The following KDM4C variants were observed in gnomAD, a reference collection of about 807,000 sequenced individuals.
The protein encoded by KDM4C is lysine demethylase 4C, also known as lysine-specific demethylase 4C.
Under a neutral mutation model 129.3 loss-of-function variants are expected in KDM4C, and 81 were observed. The ratio of observed to expected loss-of-function variants is 0.63; its 90% confidence interval spans 0.52 to 0.75. The LOEUF is 0.75. Ranked by LOEUF, KDM4C falls within the 30% of genes least tolerant of loss-of-function variation. The probability of loss-of-function intolerance (pLI) is 0.00; values close to 1 mark genes in which losing one functional copy is unlikely to be tolerated. For missense variants in KDM4C, 1,457 were observed against 1,304.0 expected, an observed-to-expected ratio of 1.12 and a Z score of -1.81; for synonymous variants, 573 against 456.1, an observed-to-expected ratio of 1.26 and a Z score of -3.26.
chr9:7,001,068 G>T (rs769853307), intron 12 of KDM4C, among the ~76,000 whole-genome samples: 1 of 152,160 alleles, frequency 6.6e-6, no homozygotes, highest in Non-Finnish European at 1.5e-5. Context: ...TTAGAAGGTG[G>T]CTCTCTTTAT....
chr9:6,724,819 G>A (rs1196380274), intron 1 of KDM4C, among the ~76,000 whole-genome samples: 1 of 152,146 alleles, frequency 6.6e-6, no homozygotes, highest in Non-Finnish European at 1.5e-5. Context: ...GTGAGCCACA[G>A]TGTCCGGCCT....
intron 2 of KDM4C, among the ~76,000 whole-genome samples, chr9:6,804,530 C>T (rs147045949): frequency 5.9e-5 from 9 of 151,954 alleles, no homozygotes; most frequent in South Asian, 2.1e-4. Context: ...GAGGCCGAGA[C>T]GGGTGGATCA....
At chr9:6,908,679 T>TG (rs1048153494) in intron 8 of KDM4C, among the ~76,000 whole-genome samples, 1 of 147,966 alleles carries the variant, frequency 6.8e-6, no homozygotes, top group Non-Finnish European at 1.5e-5. Context: ...GTTTCTGAGG[T>TG]GGGGGGTGGG....
At chr9:6,830,207 A>G (rs1478241756) in intron 4 of KDM4C, among the ~76,000 whole-genome samples, 2 of 152,254 alleles carry the variant, frequency 1.3e-5, no homozygotes, top group Non-Finnish European at 2.9e-5. Context: ...TTTGTAACAC[A>G]GTGGTATGTG....
At chr9:6,746,618 GC>G (rs1817884102) in intron 1 of KDM4C, among the ~76,000 whole-genome samples, 1 of 151,470 alleles carries the variant, frequency 6.6e-6, no homozygotes, top group South Asian at 2.1e-4. Context: ...GGTGCCTCAC[GC>G]CCGAAATCCC....
chr9:6,762,679 A>G (rs915718972), intron 1 of KDM4C, among the ~76,000 whole-genome samples: 1 of 146,520 alleles, frequency 6.8e-6, no homozygotes, highest in Non-Finnish European at 1.5e-5. Context: ...TTTTTTTAAG[A>G]TGGAGTCTCG....
chr9:6,972,198 A>C (rs957478097), intron 8 of KDM4C, among the ~76,000 whole-genome samples: 1 of 152,002 alleles, frequency 6.6e-6, no homozygotes, highest in Non-Finnish European at 1.5e-5. Flanking sequence ...TACTCACTCC[A>C]TCTATTTAGG....
At chr9:7,150,835 A>T (rs563012518) in intron 19 of KDM4C, among the ~76,000 whole-genome samples, 1 of 152,224 alleles carries the variant, frequency 6.6e-6, no homozygotes, top group Non-Finnish European at 1.5e-5. Context: ...AGGTTTTTGC[A>T]TGCCAGAATC....
rs1254956414 is a variant in KDM4C, at chr9:6,729,968, G to C, written c.49+8971G>C. Reference sequence around the variant, plus strand: ...CTACTAAATATACAAAAATTAGCTGGATGCGGTGGTGCACGCCTGTAGTCC... The same window carrying C: ...CTACTAAATATACAAAAATTAGCTGCATGCGGTGGTGCACGCCTGTAGTCC... On this transcript the variant is annotated intron_variant, in intron 1 of 17. Transcript: ENST00000536108. Among the ~76,000 whole-genome samples the C allele has an allele frequency of 3.0e-5, 4 of 134,032 alleles. 2 individuals carry two copies. The highest frequency in any genetic ancestry group is 6.1e-5 in the Non-Finnish European group (4 of 65,430). The allele number at this position is 134,032 out of a possible 152,430, so 87.9% of individuals were successfully genotyped here.
chr9:6,801,384 C>T (rs1050128448), intron 2 of KDM4C, among the ~76,000 whole-genome samples: 1 of 151,190 alleles, frequency 6.6e-6, no homozygotes, highest in Non-Finnish European at 1.5e-5. Context: ...CAGGTGCCTG[C>T]CACCATGCCC....
chr9:6,980,660 A>C (rs1023116359), intron 8 of KDM4C, among the ~76,000 whole-genome samples: 4 of 152,072 alleles, frequency 2.6e-5, no homozygotes, highest in African/African-American at 9.7e-5. Flanking sequence ...CCAAATGAGC[A>C]CTCTTTCCTT....
chr9:7,152,294 A>G (rs1346359635), intron 19 of KDM4C, among the ~76,000 whole-genome samples: 1 of 152,254 alleles, frequency 6.6e-6, no homozygotes, highest in Admixed American at 6.5e-5. Flanking sequence ...TAAATATTTA[A>G]TAAAGGAGTG....
chr9:6,896,326 C>A (rs908033360), intron 8 of KDM4C, among the ~76,000 whole-genome samples: 1 of 152,044 alleles, frequency 6.6e-6, no homozygotes, highest in Non-Finnish European at 1.5e-5. Context: ...GGTGATGCCA[C>A]CTGCTTTACC....
intron 8 of KDM4C, among the ~76,000 whole-genome samples, chr9:6,918,814 T>A (rs934139822): frequency 6.6e-6 from 1 of 152,194 alleles, no homozygotes; most frequent in Non-Finnish European, 1.5e-5. Context: ...GCCGCTTGTA[T>A]GTATGTCTTC....
chr9:7,162,578 G>T (rs183746105), intron 19 of KDM4C, among the ~76,000 whole-genome samples: 1 of 152,114 alleles, frequency 6.6e-6, no homozygotes, highest in Non-Finnish European at 1.5e-5. Flanking sequence ...TAAACTGCTC[G>T]AATGCAATTT....
chr9:6,742,517 T>A (rs1030622777), intron 1 of KDM4C, among the ~76,000 whole-genome samples: 41 of 151,988 alleles, frequency 2.7e-4, no homozygotes, highest in Admixed American at 5.3e-4. Flanking sequence ...GTTATTGTCT[T>A]TTGCCAAAAT....
At chr9:7,043,693 T>C (rs181348302) in intron 15 of KDM4C, among the ~76,000 whole-genome samples, 2 of 152,072 alleles carry the variant, frequency 1.3e-5, no homozygotes, top group African/African-American at 4.8e-5. Flanking sequence ...CTTTTTTTTT[T>C]TCAAAATTGG....
At chr9:7,155,219 C>G (rs1843043827) in intron 19 of KDM4C, among the ~76,000 whole-genome samples, 1 of 152,142 alleles carries the variant, frequency 6.6e-6, no homozygotes, top group Admixed American at 6.5e-5. Context: ...GTTCCTGGTG[C>G]TGAACCCAAG....
At chr9:6,859,123 T>C (rs920971692) in intron 5 of KDM4C, among the ~76,000 whole-genome samples, 1 of 152,148 alleles carries the variant, frequency 6.6e-6, no homozygotes, top group Non-Finnish European at 1.5e-5. Flanking sequence ...CTTTGGTGAC[T>C]CCATTTCATT....
Sources: gnomAD v4.1 joint callset for allele counts (sites outside exome capture counted in the v4.1 genomes callset) on GRCh38, gnomAD v4.1.1 for gene constraint, MANE v1.5 for transcripts, NCBI Gene and HGNC (gene_info 2026-07-23, HGNC 2026-07-21) for gene names.